SORCS3: variants seen among roughly 807,000 people sequenced by gnomAD.
SORCS3 encodes the protein sortilin related VPS10 domain containing receptor 3.
A neutral mutation model predicts 146.3 loss-of-function variants in SORCS3; 57 were observed. The observed-to-expected ratio is 0.39, with a 90% confidence interval of 0.31 to 0.49. The LOEUF (loss-of-function observed/expected upper bound fraction) is 0.49. Among genes scored for constraint, SORCS3 ranks in the 20% least tolerant of loss-of-function variants. The pLI, the probability that SORCS3 is intolerant of heterozygous loss-of-function variation, is 0.92. For synonymous variants in SORCS3, 653 were observed against 618.5 expected, an observed-to-expected ratio of 1.06 and a Z score of -0.83; for missense variants, 1,341 against 1,575.5, an observed-to-expected ratio of 0.85 and a Z score of 2.52.
chr10:105,011,309 AC>A, intron 4 of SORCS3, among the ~76,000 whole-genome samples: 1 of 152,120 alleles, frequency 6.6e-6, no homozygotes, highest in East Asian at 1.9e-4. Context: ...TATCACCTTC[AC>A]CAAAGATTCC....
chr10:105,012,519 C>A (rs2055141536), intron 4 of SORCS3, among the ~76,000 whole-genome samples: 1 of 152,054 alleles, frequency 6.6e-6, no homozygotes, highest in Non-Finnish European at 1.5e-5. Context: ...AGGAGGCCTT[C>A]TTAACTATTA....
chr10:104,765,202 G>A (rs1228204676), intron 1 of SORCS3, among the ~76,000 whole-genome samples: 1 of 152,194 alleles, frequency 6.6e-6, no homozygotes, highest in Non-Finnish European at 1.5e-5. Flanking sequence ...TCTGTCCCCT[G>A]TAATTTCTCT....
chr10:104,770,668 A>T (rs995658680), intron 1 of SORCS3, among the ~76,000 whole-genome samples: 7 of 150,568 alleles, frequency 4.6e-5, no homozygotes, highest in East Asian at 3.9e-4. Context: ...AAAAAAATAA[A>T]ATATATATAT....
intron 1 of SORCS3, among the ~76,000 whole-genome samples, chr10:104,831,156 A>G (rs1193276641): frequency 6.6e-6 from 1 of 152,156 alleles, no homozygotes; most frequent in Admixed American, 6.5e-5. Context: ...CCATGAGGAT[A>G]CTGTCACTCT....
At chr10:104,989,493 G>GA (rs756025682) in intron 4 of SORCS3, among the ~76,000 whole-genome samples, 7 of 152,164 alleles carry the variant, frequency 4.6e-5, no homozygotes, top group Non-Finnish European at 1.0e-4. Context: ...AATATAAGGA[G>GA]AAAATAACAG....
intron 9 of SORCS3, among the ~76,000 whole-genome samples, chr10:105,153,523 A>T (rs2056182494): frequency 6.6e-6 from 1 of 152,164 alleles, no homozygotes; most frequent in Non-Finnish European, 1.5e-5. Context: ...AATTATTCCA[A>T]AAGTGGCTGT....
intron 17 of SORCS3, among the ~76,000 whole-genome samples, chr10:105,211,917 T>C (rs2056636495): frequency 6.6e-6 from 1 of 152,206 alleles, no homozygotes; most frequent in Admixed American, 6.5e-5. Context: ...GGGGATCTTT[T>C]TAAAATGCAG....
chr10:105,206,954 C>G (rs947184906), intron 16 of SORCS3, among the ~76,000 whole-genome samples: 1 of 152,056 alleles, frequency 6.6e-6, no homozygotes, highest in East Asian at 1.9e-4. Flanking sequence ...ATCAGGGAGG[C>G]TGTGATATGG....
chr10:105,036,139 G>A (rs993069079), intron 4 of SORCS3, among the ~76,000 whole-genome samples: 5 of 152,150 alleles, frequency 3.3e-5, no homozygotes, highest in Admixed American at 3.3e-4. Flanking sequence ...TCATGTTTCT[G>A]TTAGGTTTCC....
chr10:104,952,072 G>T (rs7919740), intron 3 of SORCS3, among the ~76,000 whole-genome samples: 1 of 150,124 alleles, frequency 6.7e-6, no homozygotes, highest in Non-Finnish European at 1.5e-5. Flanking sequence ...TCTAGTGTCC[G>T]TCTCCTACAC....
intron 1 of SORCS3, among the ~76,000 whole-genome samples, chr10:104,729,515 A>G (rs1248728366): frequency 2.0e-5 from 3 of 152,250 alleles, no homozygotes; most frequent in African/African-American, 7.2e-5. Flanking sequence ...TGTTGGATGA[A>G]AGACTTCAGA....
intron 14 of SORCS3, among the ~76,000 whole-genome samples, chr10:105,181,062 T>C (rs1274511433): frequency 6.6e-6 from 1 of 152,200 alleles, no homozygotes; most frequent in Admixed American, 6.5e-5. Context: ...TGCATGTGAC[T>C]TTAAGTTCCC....
At chr10:105,170,568 T>C (rs901987660) in intron 13 of SORCS3, among the ~76,000 whole-genome samples, 4 of 152,228 alleles carry the variant, frequency 2.6e-5, no homozygotes, top group Admixed American at 2.6e-4. Flanking sequence ...ATTTATAGGA[T>C]GTTGATACTG....
intron 4 of SORCS3, among the ~76,000 whole-genome samples, chr10:104,982,307 TC>T (rs1232728853): frequency 1.3e-5 from 2 of 152,190 alleles, no homozygotes; most frequent in African/African-American, 4.8e-5. Flanking sequence ...AAACTTGACT[TC>T]TGGAATGCTG....
intron 2 of SORCS3, among the ~76,000 whole-genome samples, chr10:104,862,738 C>T (rs2018418504): frequency 6.6e-6 from 1 of 151,970 alleles, no homozygotes; most frequent in Non-Finnish European, 1.5e-5. Context: ...TGCCAATATT[C>T]CCCTCATTCA....
intron 3 of SORCS3, among the ~76,000 whole-genome samples, chr10:104,950,172 T>C (rs1360938198): frequency 6.6e-6 from 1 of 152,176 alleles, no homozygotes; most frequent in Non-Finnish European, 1.5e-5. Context: ...CTCTTAATCC[T>C]TTACTTCACT....
chr10:105,154,745 A>G (rs1412248431), intron 9 of SORCS3, among the ~76,000 whole-genome samples: 1 of 152,228 alleles, frequency 6.6e-6, no homozygotes, highest in Non-Finnish European at 1.5e-5. Context: ...TCTTAGAAAT[A>G]TATGTGTACA....
At chr10:105,081,327 C>A (rs568876245) in intron 5 of SORCS3, among the ~76,000 whole-genome samples, 2 of 152,142 alleles carry the variant, frequency 1.3e-5, no homozygotes, top group Non-Finnish European at 2.9e-5. Context: ...CCTGCCACCC[C>A]CTTCCAAGAC....
At chr10:104,992,226 A>C (rs1416935047) in intron 4 of SORCS3, among the ~76,000 whole-genome samples, 1 of 152,136 alleles carries the variant, frequency 6.6e-6, no homozygotes, top group Non-Finnish European at 1.5e-5. Context: ...GAAGATTCCA[A>C]GCTGGTCTTT....
Sources: gnomAD v4.1 joint callset for allele counts (sites outside exome capture counted in the v4.1 genomes callset) on GRCh38, gnomAD v4.1.1 for gene constraint, MANE v1.5 for transcripts, NCBI Gene and HGNC (gene_info 2026-07-23, HGNC 2026-07-21) for gene names.